The following SPTBN5 variants were observed in gnomAD, a reference collection of about 807,000 sequenced individuals.
SPTBN5 encodes the protein spectrin beta, non-erythrocytic 5.
SPTBN5 carries 513 observed loss-of-function variants against 477.6 expected under a neutral mutation model. The observed-to-expected ratio is 1.07, with a 90% confidence interval of 1.00 to 1.16. The LOEUF is 1.16. Among genes scored for constraint, SPTBN5 ranks in the 50% most tolerant of loss-of-function variants. SPTBN5 has a pLI of 0.00. For missense variants in SPTBN5, 5,062 were observed against 4,731.8 expected (o/e 1.07, Z -2.05); for synonymous variants, 2,169 against 2,011.7 (o/e 1.08, Z -2.09).
At position 41,857,587 on chromosome 15, in the gene SPTBN5, G is replaced by A. The variant is rs1291965325; in HGVS notation, c.8350C>T (p.Gln2784Ter). The A allele has an allele frequency of 1.2e-6, 2 of 1,609,418 alleles. No homozygotes were observed. Among genetic ancestry groups the A allele is most frequent in the Admixed American group, 1.7e-5 (1 of 59,548 alleles). Residue 2784 changes from glutamine to a stop codon, truncating the protein, a stop_gained, in exon 50 of 68, where the codon CAG becomes TAG. Transcript: ENST00000320955. LOFTEE classifies it high-confidence loss of function. ...CACAACCTCACCTCACAGGCCTTCT[G>A]GAGCTTGGCCACCTTCTTCTGGGAG... is the stretch of plus-strand genomic sequence containing the variant. Reference protein sequence around the residue: ...DNSQKKVAKLQKACEALRLRR... With the variant: ...DNSQKKVAKL
intron 26 of SPTBN5, among the ~76,000 whole-genome samples, chr15:41,872,927 G>GCCCAGACA (rs1322633677): frequency 6.6e-6 from 1 of 152,210 alleles, no homozygotes; most frequent in Non-Finnish European, 1.5e-5. Context: ...CAGGAAACAT[G>GCCCAGACA]CCCAGACAGG....
chr15:41,888,092 G>T lies in SPTBN5; in HGVS notation c.502-7C>A. 6.4e-7 allele frequency: 1 copy of T among 1,562,524 alleles called. No homozygotes were observed. The highest frequency in any genetic ancestry group is 1.2e-5 in the South Asian group (1 of 84,916). ...CGCTGGCCCCAAACTCCTCCTGGCGGGACAGGGCAGCAGGGTCACCATGCG... is the reference window on the plus strand; with the variant it reads ...CGCTGGCCCCAAACTCCTCCTGGCGTGACAGGGCAGCAGGGTCACCATGCG... On this transcript the variant is annotated splice_polypyrimidine_tract_variant and splice_region_variant and intron_variant, in intron 4 of 67. Coordinates refer to ENST00000320955, the MANE Select transcript of SPTBN5 (RefSeq NM_016642.4).
At chr15:41,851,641 C>T (rs1392883774) in intron 63 of SPTBN5, 138 bp downstream of exon 63, 2 of 684,064 alleles carry the variant, frequency 2.9e-6, no homozygotes, top group East Asian at 5.4e-5. Context: ...AGGAGCCAAA[C>T]TGCCTGGACA....
rs2066011361 is a variant in SPTBN5 at position 41,858,995 on chromosome 15, G to T, written c.7989-15C>A. ...GCGCCTCCTTCCTGCCAGGAGGAGA[G>T]GCTCATGGGCCTGGAGCCACCCCCG... On this transcript the variant is annotated splice_polypyrimidine_tract_variant and intron_variant, in intron 47 of 67. Coordinates refer to ENST00000320955, the MANE Select transcript of SPTBN5 (RefSeq NM_016642.4). 2.0e-6 allele frequency: 3 copies of T among 1,520,988 alleles called. No individual in the cohort carries two copies. Among genetic ancestry groups the T allele is most frequent in the Middle Eastern group, 2.3e-4 (1 of 4,268 alleles). The allele number at this position is 1,520,988 out of a possible 1,614,324, so 94.2% of individuals were successfully genotyped here. A position where few individuals can be genotyped will look rare whatever the true frequency, so the allele number is the denominator to read the frequency against.
chr15:41,881,875 G>A, intron 12 of SPTBN5, 61 bp downstream of exon 12: 5 of 1,452,788 alleles, frequency 3.4e-6, no homozygotes, highest in African/African-American at 1.5e-5. Context: ...TTTGTCCTCT[G>A]TGTGGCCCAG....
intron 49 of SPTBN5, among the ~76,000 whole-genome samples, chr15:41,858,338 G>A (rs1159191716): frequency 1.3e-5 from 2 of 152,182 alleles, no homozygotes; most frequent in Admixed American, 1.3e-4. Context: ...CAGGACTGGT[G>A]GCTATGTCCT....
intron 30 of SPTBN5, 35 bp from the exon 31 acceptor site, chr15:41,870,388 G>A: frequency 6.2e-7 from 1 of 1,602,748 alleles, no homozygotes; most frequent in Non-Finnish European, 8.5e-7. Context: ...GATGAGGGAT[G>A]GAGCGTGGGC....
At position 41,868,095 on chromosome 15, in the gene SPTBN5, G is replaced by A; in HGVS notation, c.6181C>T (p.Leu2061=). ...EQLFLRECGR[L]EEILAAQEVS... is the part of the protein sequence containing the mutation. ...TCCTGGGCCGCGAGGATCTCCTCCA[G>A]GCGGCCGCACTCTCTGAGGAAGAGC... Residue 2061 remains leucine, a synonymous_variant, in exon 34 of 68, where the codon CTG becomes TTG. Transcript: ENST00000320955. The A allele has an allele frequency of 6.2e-7, 1 of 1,604,034 alleles. No homozygotes were observed. The highest frequency in any genetic ancestry group is 2.2e-5 in the East Asian group (1 of 44,680).
intron 32 of SPTBN5, 120 bp from the exon 33 acceptor site, chr15:41,868,721 C>G: frequency 2.1e-6 from 2 of 943,886 alleles, no homozygotes; most frequent in South Asian, 3.1e-5. Flanking sequence ...CGACCTGGGT[C>G]AGGGCCTCGG....
Position 41,866,472 on chromosome 15 carries a change from A to ACG in SPTBN5, c.6500_6501dup (p.Trp2168ArgfsTer6). On this transcript the variant is annotated frameshift_variant, in exon 37 of 68. Coordinates refer to ENST00000320955, the MANE Select transcript of SPTBN5 (RefSeq NM_016642.4). LOFTEE classifies it high-confidence loss of function. ...ACCGGCTCCTTCAGCTGCTGGGCCC[A>ACG]CGCCTGGATCCAGTCCTCAGCCTGG... is the stretch of plus-strand genomic sequence containing the variant. 3 of 1,584,908 alleles carry ACG rather than the reference A, an allele frequency of 1.9e-6. No individual in the cohort carries two copies. Among genetic ancestry groups the ACG allele is most frequent in the Non-Finnish European group, 2.6e-6 (3 of 1,167,432 alleles).
intron 24 of SPTBN5, 51 bp from the exon 25 acceptor site, chr15:41,874,096 G>T (rs1023066148): frequency 1.3e-6 from 2 of 1,543,188 alleles, no homozygotes; most frequent in African/African-American, 2.7e-5. Context: ...GGGGCGTCCG[G>T]AGCAGAGCCA....
Position 41,851,319 on chromosome 15 carries a change from A to G in SPTBN5, c.10707T>C (p.Ser3569=). The G allele has an allele frequency of 6.4e-7, 1 of 1,551,132 alleles. No individual in the cohort carries two copies. The highest frequency in any genetic ancestry group is 8.7e-7 in the Non-Finnish European group (1 of 1,146,976). The change falls in exon 64 of 68, where the codon TCT becomes TCC. Residue 3569 remains serine (S), a synonymous_variant. Transcript: ENST00000320955. ...DSCRGNLQGS[S]LSLFLDERMA... is the part of the protein sequence containing the mutation. ...TCCTCTCATCCAGGAACAGGCTCAGAGAGCTGCCCTGCAAGTTCCCGCGGC... is the reference window on the plus strand; with the variant it reads ...TCCTCTCATCCAGGAACAGGCTCAGGGAGCTGCCCTGCAAGTTCCCGCGGC...
chr15:41,886,124 G>A lies in SPTBN5; in HGVS notation c.1131C>T (p.Leu377=). The change falls in exon 7 of 68, where the codon CTC becomes CTT. Residue 377 remains leucine (L), a synonymous_variant. Coordinates refer to ENST00000320955, the MANE Select transcript of SPTBN5 (RefSeq NM_016642.4). ...GGAAGGGCCTGCGGTTCTGGGCTTG[G>A]AGTGCTGTCTGTAGCCGGAAGAGCA... is the stretch of plus-strand genomic sequence containing the variant. ...EALLFRLQTA[L]QAQNRRPFLP... is the part of the protein sequence containing the mutation. 1 of 1,611,122 alleles carries A rather than the reference G, an allele frequency of 6.2e-7. No homozygotes were observed. The highest frequency in any genetic ancestry group is 8.5e-7 in the Non-Finnish European group (1 of 1,178,678).
intron 46 of SPTBN5, 33 bp from the exon 47 acceptor site, chr15:41,860,791 G>A (rs1451468653): frequency 2.7e-6 from 4 of 1,468,360 alleles, no homozygotes; most frequent in East Asian, 2.6e-5. Flanking sequence ...TACTGTCCAT[G>A]AGCCTCCCCC....
chr15:41,873,548 T>C lies in SPTBN5; in HGVS notation c.4951A>G (p.Ser1651Gly). The change falls in exon 26 of 68, where the codon AGT (serine) becomes GGT (glycine). Residue 1651 changes from serine to glycine, a missense_variant. Ser to Gly is a moderately conservative substitution (Grantham distance 56). Coordinates refer to ENST00000320955, the MANE Select transcript of SPTBN5 (RefSeq NM_016642.4). ...GCCTCGTCTCTGCCATAGTCCCGAC[T>C]GCTCACCAGCGGCCGCTTCTCCTCC... The part of the protein sequence containing the change: ...WVEEKRPLVS[S>G]RDYGRDEAAT... 3 of 1,552,194 alleles carry C rather than the reference T, an allele frequency of 1.9e-6. No individual in the cohort carries two copies. The highest frequency in any genetic ancestry group is 2.6e-6 in the Non-Finnish European group (3 of 1,147,262).
intron 17 of SPTBN5, 116 bp downstream of exon 17, chr15:41,878,226 G>T (rs1012117174): frequency 2.3e-6 from 3 of 1,280,356 alleles, no homozygotes; most frequent in African/African-American, 1.5e-5. Flanking sequence ...CAACCAGTCT[G>T]GGCCCCTCCC....
chr15:41,864,373 G>A (rs1448515348), intron 39 of SPTBN5, among the ~76,000 whole-genome samples: 1 of 152,174 alleles, frequency 6.6e-6, no homozygotes, highest in Non-Finnish European at 1.5e-5. Context: ...TGTTGTAGTG[G>A]CACAATCTCA....
chr15:41,852,180 G>A lies in SPTBN5; in HGVS notation c.10584+2C>T. On this transcript the variant is annotated splice_donor_variant, in intron 62 of 67. Coordinates refer to ENST00000320955, the MANE Select transcript of SPTBN5 (RefSeq NM_016642.4). LOFTEE classifies it low-confidence loss of function (GC_TO_GT_DONOR). ...TGCCTGCAGCCCCATAGGGACACCT[G>A]CCTGGGGGTCCCTCGTCTCAGCCAG... is the stretch of plus-strand genomic sequence containing the variant. The A allele has an allele frequency of 6.3e-7, 1 of 1,588,178 alleles. No individual in the cohort carries two copies. Among genetic ancestry groups the A allele is most frequent in the African/African-American group, 1.3e-5 (1 of 74,550 alleles).
rs988620020 is a variant in SPTBN5 at position 41,857,379 on chromosome 15, C to T, written c.8480G>A (p.Gly2827Asp). The change falls in exon 51 of 68, where the codon GGC (glycine) becomes GAC (aspartate). Residue 2827 changes from glycine to aspartate, a missense_variant. Physicochemically the swap from Gly to Asp is moderately conservative, Grantham distance 94 (BLOSUM62 -1). Coordinates refer to ENST00000320955, the MANE Select transcript of SPTBN5 (RefSeq NM_016642.4). ...TGCTGCCTCCAGCTCCCTCTGTGTG[C>T]CCAGGAGCTCGCCCACCCCAGGCAG... ...QALPGVGELL[G>D]TQRELEAAVD... is the part of the protein sequence containing the mutation. The T allele has an allele frequency of 1.1e-5, 17 of 1,579,860 alleles. No homozygotes were observed. The highest frequency in any genetic ancestry group is 1.4e-5 in the Non-Finnish European group (16 of 1,162,978).
Sources: gnomAD v4.1 joint callset for allele counts (sites outside exome capture counted in the v4.1 genomes callset) on GRCh38, gnomAD v4.1.1 for gene constraint, MANE v1.5 for transcripts, NCBI Gene and HGNC (gene_info 2026-07-23, HGNC 2026-07-21) for gene names.